TASP1: variants seen among roughly 807,000 people sequenced by gnomAD.
TASP1 encodes taspase 1, also known as threonine aspartase 1.
A neutral mutation model predicts 56.6 loss-of-function variants in TASP1; 16 were observed. The ratio of observed to expected loss-of-function variants is 0.28; its 90% CI spans 0.19 to 0.43. The LOEUF (loss-of-function observed/expected upper bound fraction) is 0.43. Ranked by LOEUF, TASP1 falls within the 20% of genes least tolerant of loss-of-function variation. The pLI is 1.00. For synonymous variants in TASP1, 179 were observed against 184.2 expected (o/e 0.97, Z 0.23); for missense variants, 393 against 511.6 (o/e 0.77, Z 2.24).
At chr20:13,458,634 C>T (rs912756912) in intron 11 of TASP1, among the ~76,000 whole-genome samples, 23 of 152,108 alleles carry the variant, frequency 1.5e-4, no homozygotes, top group African/African-American at 5.3e-4. Context: ...AGCCACCACT[C>T]CTGGCCCATA....
At chr20:13,600,710 T>C (rs898362488) in intron 4 of TASP1, 11 of 152,046 alleles carry the variant, frequency 7.2e-5, no homozygotes, top group African/African-American at 2.4e-4. Context: ...GAAAAAATAA[T>C]TGAATTTTAT....
chr20:13,164,823 C>T, the TASP1 span: 134 of 1,613,690 alleles, frequency 8.3e-5, no homozygotes, highest in Non-Finnish European at 1.1e-4. Context: ...GAAGTCAGCA[C>T]GTCCTGAGCT....
chr20:13,439,024 G>A (rs1452579043), intron 11 of TASP1, among the ~76,000 whole-genome samples: 3 of 152,190 alleles, frequency 2.0e-5, no homozygotes, highest in Non-Finnish European at 2.9e-5. Flanking sequence ...TGGAGGGGAT[G>A]TGGAGAAATA....
chr20:13,616,642 T>TA (rs542480237), intron 4 of TASP1, among the ~76,000 whole-genome samples: 13,274 of 144,700 alleles, frequency 0.092, 1,510 homozygotes, highest in African/African-American at 0.27. Context: ...TTTTATTCTT[T>TA]AAAAAAAAAA....
intron 10 of TASP1, among the ~76,000 whole-genome samples, chr20:13,492,472 G>A (rs1456409653): frequency 1.3e-5 from 2 of 152,164 alleles, no homozygotes; most frequent in Non-Finnish European, 2.9e-5. Context: ...TTTCAAGCCT[G>A]TCTTGTGAAA....
chr20:13,336,149 G>T, the TASP1 span, among the ~76,000 whole-genome samples: 1 of 152,170 alleles, frequency 6.6e-6, no homozygotes, highest in South Asian at 2.1e-4. Context: ...TTTCCAGGGG[G>T]CCCAAAGGAG....
At chr20:13,342,584 A>T in the TASP1 span, among the ~76,000 whole-genome samples, 1 of 152,186 alleles carries the variant, frequency 6.6e-6, no homozygotes, top group Non-Finnish European at 1.5e-5. Flanking sequence ...TTGCCCAGCC[A>T]GGCCAGGGAT....
At chr20:13,411,104 G>A (rs1484115637) in intron 13 of TASP1, among the ~76,000 whole-genome samples, 3 of 152,176 alleles carry the variant, frequency 2.0e-5, no homozygotes, top group South Asian at 2.1e-4. Context: ...CCCAATGTAC[G>A]TTCTTAGAGC....
intron 11 of TASP1, among the ~76,000 whole-genome samples, chr20:13,439,513 G>A (rs996174499): frequency 3.9e-5 from 6 of 152,204 alleles, no homozygotes; most frequent in African/African-American, 9.6e-5. Context: ...TTGTGGGGTC[G>A]GGGGAGTGGG....
At chr20:13,292,538 C>G in the TASP1 span, 1 of 886,034 alleles carries the variant, frequency 1.1e-6, no homozygotes. Flanking sequence ...GCAATGCCAT[C>G]CTTGGATCCA....
chr20:13,222,550 C>A, the TASP1 span, among the ~76,000 whole-genome samples: 1 of 152,026 alleles, frequency 6.6e-6, no homozygotes, highest in Non-Finnish European at 1.5e-5. Flanking sequence ...GTGAAGGCAC[C>A]GGTAGTGATT....
At chr20:13,578,906 A>T (rs758052677) in intron 6 of TASP1, among the ~76,000 whole-genome samples, 14 of 152,214 alleles carry the variant, frequency 9.2e-5, no homozygotes, top group Non-Finnish European at 1.8e-4. Flanking sequence ...TCTGTTTTAC[A>T]ACTGTCTTGA....
chr20:13,177,101 C>T, the TASP1 span, among the ~76,000 whole-genome samples: 635 of 152,134 alleles, frequency 4.2e-3, 4 homozygotes, highest in African/African-American at 0.015. Context: ...GTTAGCCATG[C>T]ATGGTGGCAC....
chr20:13,597,967 A>G (rs2047806456), intron 4 of TASP1, among the ~76,000 whole-genome samples: 1 of 152,176 alleles, frequency 6.6e-6, no homozygotes, highest in Non-Finnish European at 1.5e-5. Context: ...TAGGAATCCA[A>G]CTTACAAGGG....
chr20:13,192,323 G>C, the TASP1 span, among the ~76,000 whole-genome samples: 6 of 152,130 alleles, frequency 3.9e-5, no homozygotes, highest in Non-Finnish European at 5.9e-5. Flanking sequence ...GATAGCTTGA[G>C]CCCAGGAGTT....
At chr20:13,574,782 T>TG (rs2046840402) in intron 6 of TASP1, among the ~76,000 whole-genome samples, 1 of 151,976 alleles carries the variant, frequency 6.6e-6, no homozygotes, top group Admixed American at 6.6e-5. Flanking sequence ...CAATAGAAAC[T>TG]ATTCAAAATG....
At chr20:13,150,022 A>C in the TASP1 span, among the ~76,000 whole-genome samples, 1 of 152,186 alleles carries the variant, frequency 6.6e-6, no homozygotes, top group Non-Finnish European at 1.5e-5. Context: ...AATGATCCGC[A>C]AAAGTGCTGA....
chr20:13,203,660 C>A, the TASP1 span, among the ~76,000 whole-genome samples: 3 of 152,152 alleles, frequency 2.0e-5, no homozygotes, highest in Non-Finnish European at 4.4e-5. Context: ...TTTTAATTAG[C>A]AGTGATTTAG....
chr20:13,277,261 C>T, the TASP1 span, among the ~76,000 whole-genome samples: 7 of 152,152 alleles, frequency 4.6e-5, no homozygotes, highest in African/African-American at 1.4e-4. Context: ...AGTCTGAATA[C>T]AAATGGAATA....
Sources: gnomAD v4.1 joint callset for allele counts (sites outside exome capture counted in the v4.1 genomes callset) on GRCh38, gnomAD v4.1.1 for gene constraint, MANE v1.5 for transcripts, NCBI Gene and HGNC (gene_info 2026-07-23, HGNC 2026-07-21) for gene names.